COL8A1: variants seen among roughly 807,000 people sequenced by gnomAD.
The protein encoded by COL8A1 is collagen type VIII alpha 1 chain.
Under a neutral mutation model 42.7 loss-of-function variants are expected in COL8A1, and 21 were observed. The observed-to-expected ratio is 0.49, with a 90% CI of 0.35 to 0.71. The LOEUF is 0.71. Ranked by LOEUF, COL8A1 falls within the 30% of genes least tolerant of loss-of-function variation. COL8A1 has a pLI of 0.01. For missense variants in COL8A1, 788 were observed against 962.4 expected, an observed-to-expected ratio of 0.82 and a Z score of 2.40; for synonymous variants, 367 against 369.1, an observed-to-expected ratio of 0.99 and a Z score of 0.06.
intron 1 of COL8A1, among the ~76,000 whole-genome samples, chr3:99,744,481 A>G (rs1940979689): frequency 6.6e-6 from 1 of 152,232 alleles, no homozygotes; most frequent in Non-Finnish European, 1.5e-5. Context: ...ATAACCAAGA[A>G]TAATTTATAA....
intron 1 of COL8A1, among the ~76,000 whole-genome samples, chr3:99,714,997 G>A (rs1939956369): frequency 6.6e-6 from 1 of 152,104 alleles, no homozygotes; most frequent in Non-Finnish European, 1.5e-5. Flanking sequence ...AATAAGCTTG[G>A]TGTGTTTCGG....
At chr3:99,732,740 T>A (rs1940555484) in intron 1 of COL8A1, among the ~76,000 whole-genome samples, 1 of 151,836 alleles carries the variant, frequency 6.6e-6, no homozygotes, top group Non-Finnish European at 1.5e-5. Context: ...TTCCCAACAG[T>A]CTCCCAAAGT....
At chr3:99,741,484 C>T (rs1940898031) in intron 1 of COL8A1, among the ~76,000 whole-genome samples, 2 of 152,184 alleles carry the variant, frequency 1.3e-5, no homozygotes, top group South Asian at 2.1e-4. Flanking sequence ...AAACAACAAA[C>T]ATTTTATATT....
chr3:99,741,994 G>C (rs1940911727), intron 1 of COL8A1, among the ~76,000 whole-genome samples: 1 of 152,026 alleles, frequency 6.6e-6, no homozygotes, highest in Non-Finnish European at 1.5e-5. Context: ...CCTGCAACTG[G>C]TTTTTAAGTA....
chr3:99,699,172 C>G (rs1434955866), intron 1 of COL8A1, among the ~76,000 whole-genome samples: 1 of 152,180 alleles, frequency 6.6e-6, no homozygotes, highest in Non-Finnish European at 1.5e-5. Flanking sequence ...ACTCTACAGC[C>G]ACTTCCCTAC....
chr3:99,763,939 A>G (rs553584544), intron 2 of COL8A1, among the ~76,000 whole-genome samples: 2 of 152,312 alleles, frequency 1.3e-5, no homozygotes, highest in African/African-American at 2.4e-5. Context: ...AGCTCAGCCA[A>G]TTGGTCACCA....
At chr3:99,654,214 T>C (rs1008546911) in intron 1 of COL8A1, among the ~76,000 whole-genome samples, 1 of 152,172 alleles carries the variant, frequency 6.6e-6, no homozygotes, top group African/African-American at 2.4e-5. Flanking sequence ...ATTCTAGCCG[T>C]GCTGGCAGTT....
chr3:99,770,957 T>C (rs1282491203), intron 2 of COL8A1, among the ~76,000 whole-genome samples: 1 of 152,204 alleles, frequency 6.6e-6, no homozygotes. Context: ...GGAAGTCTTG[T>C]CTGAGGGGAC....
chr3:99,661,182 G>A (rs1938193541), intron 1 of COL8A1, among the ~76,000 whole-genome samples: 1 of 152,128 alleles, frequency 6.6e-6, no homozygotes, highest in Non-Finnish European at 1.5e-5. Flanking sequence ...TAGAATTGGA[G>A]AAAATTCTTA....
At chr3:99,771,323 T>A (rs992889745) in intron 2 of COL8A1, among the ~76,000 whole-genome samples, 5 of 152,206 alleles carry the variant, frequency 3.3e-5, no homozygotes, top group Admixed American at 2.0e-4. Context: ...CAAAGTTAAA[T>A]ACATTCATGA....
intron 1 of COL8A1, among the ~76,000 whole-genome samples, chr3:99,737,009 T>C (rs1208924100): frequency 1.3e-5 from 2 of 152,196 alleles, no homozygotes; most frequent in African/African-American, 4.8e-5. Flanking sequence ...TCTCTTTTGA[T>C]CTTTGTTGGT....
chr3:99,739,401 T>G (rs966239404), intron 1 of COL8A1, among the ~76,000 whole-genome samples: 1 of 152,190 alleles, frequency 6.6e-6, no homozygotes, highest in Non-Finnish European at 1.5e-5. Context: ...GGACTATGTG[T>G]GGGGGGACCA....
intron 2 of COL8A1, among the ~76,000 whole-genome samples, chr3:99,774,548 G>C (rs1464960101): frequency 1.3e-5 from 2 of 152,118 alleles, no homozygotes; most frequent in African/African-American, 4.8e-5. Context: ...GGGAGATGGA[G>C]AGAAGCCAGC....
At chr3:99,781,163 A>G (rs1293199993) in intron 2 of COL8A1, among the ~76,000 whole-genome samples, 1 of 152,206 alleles carries the variant, frequency 6.6e-6, no homozygotes, top group African/African-American at 2.4e-5. Flanking sequence ...CCATGCACCA[A>G]GGAAAGAACA....
intron 1 of COL8A1, among the ~76,000 whole-genome samples, chr3:99,667,486 T>C (rs1211178840): frequency 2.0e-5 from 3 of 152,178 alleles, no homozygotes. Context: ...TGTACAGCTT[T>C]CCTTAGAAGA....
intron 2 of COL8A1, among the ~76,000 whole-genome samples, chr3:99,778,541 G>C (rs1363877456): frequency 6.6e-6 from 1 of 151,960 alleles, no homozygotes; most frequent in Non-Finnish European, 1.5e-5. Flanking sequence ...CTGAAAATGA[G>C]TAAAAGTTAT....
intron 1 of COL8A1, among the ~76,000 whole-genome samples, chr3:99,682,289 CG>C (rs1173216306): frequency 6.6e-6 from 1 of 151,956 alleles, no homozygotes; most frequent in African/African-American, 2.4e-5. Context: ...TGGCGGTGCA[CG>C]CCTGTAATCC....
intron 2 of COL8A1, among the ~76,000 whole-genome samples, chr3:99,747,227 G>A (rs2107408860): frequency 6.6e-6 from 1 of 152,094 alleles, no homozygotes; most frequent in South Asian, 2.1e-4. Context: ...TAGACATTTT[G>A]GTAGACAGAT....
chr3:99,693,863 A>G (rs745659133), intron 1 of COL8A1, among the ~76,000 whole-genome samples: 2 of 152,218 alleles, frequency 1.3e-5, no homozygotes, highest in Non-Finnish European at 2.9e-5. Context: ...AGCAACTTCA[A>G]GTCCTACAGG....
Sources: gnomAD v4.1 joint callset for allele counts (sites outside exome capture counted in the v4.1 genomes callset) on GRCh38, gnomAD v4.1.1 for gene constraint, MANE v1.5 for transcripts, NCBI Gene and HGNC (gene_info 2026-07-23, HGNC 2026-07-21) for gene names.